The following CHST1 variants were observed in gnomAD, a reference collection of about 807,000 sequenced individuals.
CHST1 encodes Keratan sulfotransferase.
In CHST1, 10 loss-of-function variants were observed where a neutral mutation model predicts 22.5. That is an observed-to-expected ratio of 0.44 (90% CI 0.27 to 0.75). The LOEUF (loss-of-function observed/expected upper bound fraction) is 0.75, where lower values mean the gene tolerates loss of function less well. CHST1 is among the 30% of genes least tolerant of loss of function. The pLI is 0.15. For synonymous variants in CHST1, 267 were observed against 264.5 expected (o/e 1.01, Z -0.09); for missense variants, 439 against 576.1 (o/e 0.76, Z 2.44).
chr11:45,661,839 G>A (rs1001379383), intron 1 of CHST1, among the ~76,000 whole-genome samples: 3 of 152,304 alleles, frequency 2.0e-5, no homozygotes, highest in Middle Eastern at 3.4e-3. Context: ...GAGAAGGGCC[G>A]GTAAGGGAGA....
rs543977832 is a variant in CHST1, at chr11:45,648,826, C to T, written c.*862G>A. 4 of 152,588 alleles carry T rather than the reference C, an allele frequency of 2.6e-5. No individual in the cohort carries two copies. Among genetic ancestry groups the T allele is most frequent in the Non-Finnish European group, 5.9e-5 (4 of 68,070 alleles). The allele number at this position is 152,588 out of a possible 1,614,324, so 9.5% of individuals were successfully genotyped here. A position where few individuals can be genotyped will look rare whatever the true frequency, so the allele number is the denominator to read the frequency against. On this transcript the variant is annotated 3_prime_UTR_variant, in exon 4 of 4. Transcript: ENST00000308064. ...CCCCAAAGCTAGGAACACCCAGACC[C>T]GGCTGAGGCCCTCTCGTACCCATTC...
intron 1 of CHST1, among the ~76,000 whole-genome samples, chr11:45,657,617 G>A (rs1470667819): frequency 1.3e-5 from 2 of 152,144 alleles, no homozygotes; most frequent in Non-Finnish European, 2.9e-5. Context: ...GAGTTTCATG[G>A]GACAGTGTCC....
intron 1 of CHST1, among the ~76,000 whole-genome samples, chr11:45,659,337 C>T (rs189533314): frequency 7.9e-5 from 12 of 152,236 alleles, no homozygotes; most frequent in Non-Finnish European, 7.4e-5. Context: ...AAGAGCATCA[C>T]CCAGCTAGAG....
chr11:45,658,933 C>G (rs1387179043), intron 1 of CHST1, among the ~76,000 whole-genome samples: 2 of 152,202 alleles, frequency 1.3e-5, no homozygotes, highest in Non-Finnish European at 2.9e-5. Context: ...CAGCTGCTGC[C>G]GGCCAGGCTG....
rs1299013248 is a variant in CHST1, at chr11:45,650,586, C to A, written c.338G>T (p.Arg113Leu). Residue 113 changes from arginine (R) to leucine (L), a missense_variant, in exon 4 of 4, where the codon CGG becomes CTG. By Grantham distance (102) the Arg-to-Leu change is moderately radical (BLOSUM62 -2). Transcript: ENST00000308064. The stretch of plus-strand genomic sequence containing the variant: ...GCGGCTGGCGCCTAGCATGACCCGC[C>A]GGTCGGCCGGGCTCTTGCCCTGGGT... The part of the protein sequence containing the change: ...RFTQGKSPAD[R>L]RVMLGASRDL... The A allele has an allele frequency of 1.2e-6, 2 of 1,613,850 alleles. No individual in the cohort carries two copies. Among genetic ancestry groups the A allele is most frequent in the Admixed American group, 1.7e-5 (1 of 60,010 alleles).
chr11:45,650,657 C>A lies in CHST1; in HGVS notation c.267G>T (p.Leu89=). 1.2e-6 allele frequency: 2 copies of A among 1,614,130 alleles called. No individual in the cohort carries two copies. Among genetic ancestry groups the A allele is most frequent in the Non-Finnish European group, 1.7e-6 (2 of 1,179,996 alleles). Residue 89 remains leucine, a synonymous_variant, in exon 4 of 4, where the codon CTG becomes CTT. Coordinates refer to ENST00000308064, the MANE Select transcript of CHST1 (RefSeq NM_003654.6). The part of the protein sequence containing the change: ...LFNQHLDVFY[L]FEPLYHVQNT... ...TCTGGACGTGGTAGAGGGGCTCAAACAGGTAGAAGACGTCCAGGTGCTGGT... is the reference window on the plus strand; with the variant it reads ...TCTGGACGTGGTAGAGGGGCTCAAAAAGGTAGAAGACGTCCAGGTGCTGGT...
At chr11:45,660,923 C>T (rs1852124346) in intron 1 of CHST1, among the ~76,000 whole-genome samples, 1 of 152,234 alleles carries the variant, frequency 6.6e-6, no homozygotes, top group African/African-American at 2.4e-5. Context: ...CCACCGCCTT[C>T]CAGCTCTAAT....
At chr11:45,659,419 C>T (rs926895117) in intron 1 of CHST1, among the ~76,000 whole-genome samples, 1 of 152,138 alleles carries the variant, frequency 6.6e-6, no homozygotes, top group Non-Finnish European at 1.5e-5. Context: ...ATCTCGATCA[C>T]AGCATTCACC....
At chr11:45,659,922 G>T (rs1468654252) in intron 1 of CHST1, among the ~76,000 whole-genome samples, 10 of 152,182 alleles carry the variant, frequency 6.6e-5, no homozygotes, top group Admixed American at 5.9e-4. Context: ...GCCCACAGCT[G>T]GTCCCAAGGA....
chr11:45,650,589 T>C lies in CHST1; in HGVS notation c.335A>G (p.Asp112Gly). 1 of 1,613,910 alleles carries C rather than the reference T, an allele frequency of 6.2e-7. No homozygotes were observed. Among genetic ancestry groups the C allele is most frequent in the South Asian group, 1.1e-5 (1 of 91,068 alleles). Residue 112 changes from aspartate to glycine, a missense_variant, in exon 4 of 4, where the codon GAC (aspartate) becomes GGC (glycine). Asp to Gly is a moderately conservative substitution (Grantham distance 94). Coordinates refer to ENST00000308064, the MANE Select transcript of CHST1 (RefSeq NM_003654.6). ...GCTGGCGCCTAGCATGACCCGCCGGTCGGCCGGGCTCTTGCCCTGGGTGAA... is the reference window on the plus strand; with the variant it reads ...GCTGGCGCCTAGCATGACCCGCCGGCCGGCCGGGCTCTTGCCCTGGGTGAA... The part of the protein sequence containing the change: ...PRFTQGKSPA[D>G]RRVMLGASRD...
intron 1 of CHST1, among the ~76,000 whole-genome samples, chr11:45,658,739 C>T (rs986888774): frequency 2.5e-4 from 38 of 152,208 alleles, no homozygotes; most frequent in Middle Eastern, 3.4e-3. Flanking sequence ...GCCTGGCTTG[C>T]GGTAGGCGGG....
intron 1 of CHST1, among the ~76,000 whole-genome samples, chr11:45,660,937 G>A (rs1320976047): frequency 6.6e-6 from 1 of 152,210 alleles, no homozygotes; most frequent in Non-Finnish European, 1.5e-5. Context: ...CTCTAATCAA[G>A]GAGCAAACAC....
Position 45,650,535 on chromosome 11 carries a change from C to A in CHST1, c.389G>T (p.Cys130Phe). ...SRDLLRSLYD[C>F]DLYFLENYIK... ...GTAGTTCTCCAGGAAGTAGAGGTCG[C>A]AGTCGTAGAGGCTCCGCAGGAGGTC... The change falls in exon 4 of 4, where the codon TGC (cysteine) becomes TTC (phenylalanine). Residue 130 changes from cysteine (C) to phenylalanine (F), a missense_variant. By Grantham distance (205) the Cys-to-Phe change is radical. Coordinates refer to ENST00000308064, the MANE Select transcript of CHST1 (RefSeq NM_003654.6). The A allele has an allele frequency of 6.2e-7, 1 of 1,613,956 alleles. No homozygotes were observed. The highest frequency in any genetic ancestry group is 8.5e-7 in the Non-Finnish European group (1 of 1,179,976).
chr11:45,654,723 A>G (rs1257597179), intron 1 of CHST1, among the ~76,000 whole-genome samples: 1 of 152,250 alleles, frequency 6.6e-6, no homozygotes, highest in Non-Finnish European at 1.5e-5. Flanking sequence ...CAAACCTTGG[A>G]CACAGGAGAC....
At chr11:45,655,026 T>G (rs772898845) in intron 1 of CHST1, among the ~76,000 whole-genome samples, 2 of 152,172 alleles carry the variant, frequency 1.3e-5, no homozygotes, top group Non-Finnish European at 2.9e-5. Flanking sequence ...ATTGAAGGTC[T>G]TAAAGCATTT....
intron 1 of CHST1, among the ~76,000 whole-genome samples, chr11:45,655,355 GC>G (rs1852049577): frequency 6.6e-6 from 1 of 152,196 alleles, no homozygotes; most frequent in South Asian, 2.1e-4. Flanking sequence ...TCTGCCCACC[GC>G]CCCTTCTTCC....
At chr11:45,651,231 A>T in intron 3 of CHST1, 1 of 260,608 alleles carries the variant, frequency 3.8e-6, no homozygotes, top group African/African-American at 2.2e-5. Flanking sequence ...CTGAGCTCTG[A>T]GTTCCTTAGA....
intron 1 of CHST1, among the ~76,000 whole-genome samples, chr11:45,658,547 C>G (rs1426987127): frequency 6.6e-6 from 1 of 152,122 alleles, no homozygotes; most frequent in Non-Finnish European, 1.5e-5. Flanking sequence ...CACATCCTGC[C>G]GTGGAGGGTG....
chr11:45,650,447 G>T lies in CHST1; in HGVS notation c.477C>A (p.Val159=). 1 of 1,611,398 alleles carries T rather than the reference G, an allele frequency of 6.2e-7. No homozygotes were observed. The highest frequency in any genetic ancestry group is 1.1e-5 in the South Asian group (1 of 91,044). Residue 159 remains valine, a synonymous_variant, in exon 4 of 4, where the codon GTC becomes GTA. Transcript: ENST00000308064. The part of the protein sequence containing the change: ...DRIFRRGASR[V]LCSRPVCDPP... ...GGTCGCACACAGGCCGGGAGCAGAG[G>T]ACCCGGCTGGCCCCGCGGCGGAAGA...
Sources: gnomAD v4.1 joint callset for allele counts (sites outside exome capture counted in the v4.1 genomes callset) on GRCh38, gnomAD v4.1.1 for gene constraint, MANE v1.5 for transcripts, NCBI Gene and HGNC (gene_info 2026-07-23, HGNC 2026-07-21) for gene names.